The following EDAR variants were observed in gnomAD, a reference collection of about 807,000 sequenced individuals.
EDAR encodes ectodysplasin A receptor, also known as tumor necrosis factor receptor superfamily member EDAR.
EDAR carries 38 observed loss-of-function variants against 51.3 expected under a neutral mutation model. That is an observed-to-expected ratio of 0.74 (90% CI 0.57 to 0.97). EDAR has a LOEUF of 0.97. EDAR is among the 50% of genes least tolerant of loss of function. The probability of loss-of-function intolerance (pLI) is 0.00; values close to 1 mark genes in which losing one functional copy is unlikely to be tolerated. For synonymous variants in EDAR, 227 were observed against 242.1 expected, an observed-to-expected ratio of 0.94 and a Z score of 0.58; for missense variants, 528 against 595.0, an observed-to-expected ratio of 0.89 and a Z score of 1.17.
rs761538284 is a variant in EDAR at position 108,931,006 on chromosome 2, A to G, written c.9T>C (p.His3=). The G allele has an allele frequency of 3.7e-6, 6 of 1,613,838 alleles. No individual in the cohort carries two copies. In the East Asian group the frequency reaches 6.7e-5, roughly 18 times the overall value. Residue 3 remains histidine, a synonymous_variant, in exon 2 of 12, where the codon CAT becomes CAC. Transcript: ENST00000258443. ...AGGGCGTCTGCGTGCAGTCCCCCAC[A>G]TGGGCCATCCTCTCCCAAGGGCTCA... MA[H]VGDCTQTPWL...
Position 108,897,195 on chromosome 2 carries a change from G to C in EDAR, c.1059C>G (p.Leu353=). 1 of 1,613,704 alleles carries C rather than the reference G, an allele frequency of 6.2e-7. No homozygotes were observed. Among genetic ancestry groups the C allele is most frequent in the Non-Finnish European group, 8.5e-7 (1 of 1,180,026 alleles). The change falls in exon 12 of 12, where the codon CTC becomes CTG. Residue 353 remains leucine (L), a synonymous_variant. Transcript: ENST00000258443. ...LSPTELPFDC[L]EKTSRMLSST... ...AGCTGAGCATTCGGCTAGTCTTCTC[G>C]AGGCAATCAAATGGCAGCTCCGTGG...
At chr2:108,907,603 G>A (rs1349493508) in intron 10 of EDAR, among the ~76,000 whole-genome samples, 1 of 151,406 alleles carries the variant, frequency 6.6e-6, no homozygotes, top group Non-Finnish European at 1.5e-5. Context: ...AGCCGAGATC[G>A]CACCACTGCA....
intron 1 of EDAR, among the ~76,000 whole-genome samples, chr2:108,964,366 C>G (rs1021853478): frequency 6.6e-6 from 1 of 152,146 alleles, no homozygotes; most frequent in African/African-American, 2.4e-5. Context: ...CATGATGCCA[C>G]GGCTCCAAAG....
intron 1 of EDAR, among the ~76,000 whole-genome samples, chr2:108,970,616 G>A (rs576540955): frequency 6.6e-6 from 1 of 152,226 alleles, no homozygotes; most frequent in African/African-American, 2.4e-5. Context: ...GGGGACCAAG[G>A]TCTAAGGTTG....
At chr2:108,915,823 G>C (rs1697016536) in intron 5 of EDAR, among the ~76,000 whole-genome samples, 1 of 152,108 alleles carries the variant, frequency 6.6e-6, no homozygotes, top group Non-Finnish European at 1.5e-5. Flanking sequence ...CTGGAACCCG[G>C]GAGGCGGAGG....
intron 9 of EDAR, among the ~76,000 whole-genome samples, chr2:108,909,057 G>T (rs1471525953): frequency 6.6e-6 from 1 of 152,190 alleles, no homozygotes; most frequent in Non-Finnish European, 1.5e-5. Context: ...AGGGACAAAA[G>T]CTCAGTGCCT....
intron 1 of EDAR, among the ~76,000 whole-genome samples, chr2:108,943,860 T>C (rs950782553): frequency 3.9e-5 from 6 of 152,192 alleles, no homozygotes; most frequent in African/African-American, 1.4e-4. Context: ...GAGACTAGAA[T>C]TCCTCTGAGC....
intron 1 of EDAR, among the ~76,000 whole-genome samples, chr2:108,934,949 G>T (rs911184727): frequency 2.0e-5 from 3 of 152,210 alleles, no homozygotes; most frequent in Non-Finnish European, 4.4e-5. Flanking sequence ...CCAGTTAATT[G>T]GCTAGTGATC....
At position 108,897,036 on chromosome 2, in the gene EDAR, G is replaced by A; in HGVS notation, c.1218C>T (p.Tyr406=). ...QLFDRISTAG[Y]SIPELLTKLV... ...GTTTTGTGAGTAGCTCAGGGATGCT[G>A]TAGCCTGCCGTGCTGATGCGGTCAA... Residue 406 remains tyrosine, a synonymous_variant, in exon 12 of 12, where the codon TAC becomes TAT. Transcript: ENST00000258443. The A allele has an allele frequency of 6.2e-7, 1 of 1,614,148 alleles. No individual in the cohort carries two copies. The highest frequency in any genetic ancestry group is 8.5e-7 in the Non-Finnish European group (1 of 1,180,016).
At chr2:108,923,271 G>T in intron 5 of EDAR, 97 bp downstream of exon 5, 1 of 1,187,610 alleles carries the variant, frequency 8.4e-7, no homozygotes, top group Non-Finnish European at 1.3e-6. Flanking sequence ...GATTCACCTT[G>T]TCCAGGTGCC....
In EDAR at chr2:108,895,041, G is replaced by T. The variant is rs552720761; in HGVS notation, c.*1866C>A. The T allele has an allele frequency of 6.5e-6, 1 of 152,860 alleles. No homozygotes were observed. The highest frequency in any genetic ancestry group is 1.5e-5 in the Non-Finnish European group (1 of 68,138). 9.5% of individuals were successfully genotyped at this position (152,860 alleles called of 1,614,324 possible). On this transcript the variant is annotated 3_prime_UTR_variant, in exon 12 of 12. Transcript: ENST00000258443. ...ACTCATCATCATCACAAGGCAGGGG[G>T]AAGGGGGCACCACAGGATTTCAAAG...
intron 1 of EDAR, among the ~76,000 whole-genome samples, chr2:108,958,516 CA>C (rs149909668): frequency 0.015 from 2,356 of 152,132 alleles, 55 homozygotes; most frequent in African/African-American, 0.052. Context: ...GGGGGCAGAA[CA>C]GGGGGGCATG....
At chr2:108,919,346 C>T (rs1452677394) in intron 5 of EDAR, among the ~76,000 whole-genome samples, 1 of 152,166 alleles carries the variant, frequency 6.6e-6, no homozygotes, top group Non-Finnish European at 1.5e-5. Context: ...CATTAACCCT[C>T]TGACCGCTTT....
intron 4 of EDAR, among the ~76,000 whole-genome samples, chr2:108,924,377 C>T (rs1697212062): frequency 6.6e-6 from 1 of 152,202 alleles, no homozygotes. Flanking sequence ...CAGGCTCTAG[C>T]TCCTATCCTA....
rs573865064 is a variant in EDAR at position 108,977,343 on chromosome 2, A to T, written c.-19+11617T>A. 1.2e-3 allele frequency among the ~76,000 whole-genome samples: 176 copies of T among 152,168 alleles called. 1 individual carries two copies. The Middle Eastern group carries it at 0.017, about 15-fold the overall frequency. ...GAATGCAGTGGCGCGATCTCGGCTC[A>T]CTGCAAGCTGCGCCTCCCGGGTTCA... On this transcript the variant is annotated intron_variant, in intron 1 of 11. Coordinates refer to ENST00000258443, the MANE Select transcript of EDAR (RefSeq NM_022336.4).
chr2:108,925,211 T>C (rs1697229862), intron 4 of EDAR, among the ~76,000 whole-genome samples: 1 of 152,104 alleles, frequency 6.6e-6, no homozygotes, highest in East Asian at 1.9e-4. Flanking sequence ...GACCTTGTGC[T>C]AGGTACTAAG....
At chr2:108,909,638 C>G (rs1317771607) in intron 9 of EDAR, among the ~76,000 whole-genome samples, 1 of 152,154 alleles carries the variant, frequency 6.6e-6, no homozygotes, top group Non-Finnish European at 1.5e-5. Flanking sequence ...GAGCACATTG[C>G]CTGGCTGGGA....
chr2:108,937,869 G>T (rs988888717), intron 1 of EDAR, among the ~76,000 whole-genome samples: 1 of 152,214 alleles, frequency 6.6e-6, no homozygotes, highest in Non-Finnish European at 1.5e-5. Context: ...CTGAGCCCTC[G>T]GGTGGGGCCT....
chr2:108,979,784 C>T (rs1275275722), intron 1 of EDAR, among the ~76,000 whole-genome samples: 1 of 152,090 alleles, frequency 6.6e-6, no homozygotes, highest in Non-Finnish European at 1.5e-5. Context: ...CAAATGGGTC[C>T]CTTGAATAGA....
Sources: gnomAD v4.1 joint callset for allele counts (sites outside exome capture counted in the v4.1 genomes callset) on GRCh38, gnomAD v4.1.1 for gene constraint, MANE v1.5 for transcripts, NCBI Gene and HGNC (gene_info 2026-07-23, HGNC 2026-07-21) for gene names.